The following GNPTAB variants were observed in gnomAD, a reference collection of about 807,000 sequenced individuals.
GNPTAB encodes the protein N-acetylglucosamine-1-phosphate transferase subunits alpha and beta, also known as N-acetylglucosamine-1-phosphotransferase subunits alpha/beta.
GNPTAB carries 92 observed loss-of-function variants against 136.6 expected under a neutral mutation model. The observed-to-expected ratio is 0.67, with a 90% CI of 0.57 to 0.80. The LOEUF (loss-of-function observed/expected upper bound fraction) is 0.80, where lower values mean the gene tolerates loss of function less well. Ranked by LOEUF, GNPTAB falls within the 30% of genes least tolerant of loss-of-function variation. The pLI, the probability that GNPTAB is intolerant of heterozygous loss-of-function variation, is 0.00. For missense variants in GNPTAB, 1,343 were observed against 1,501.8 expected (o/e 0.89, Z 1.75); for synonymous variants, 512 against 535.1 (o/e 0.96, Z 0.60).
rs1463358241 is a variant in GNPTAB, at chr12:101,761,577, C to T, written c.2902G>A (p.Glu968Lys). 1 of 1,614,072 alleles carries T rather than the reference C, an allele frequency of 6.2e-7. No homozygotes were observed. The highest frequency in any genetic ancestry group is 8.5e-7 in the Non-Finnish European group (1 of 1,179,912). ...AGCAAGACTTACATATCTTGCAGTT[C>T]TTGCATAACAATCCGGTCAATCATG... ...PHMIDRIVMQELQDMFPEEFD... is the reference protein window; with the variant it reads ...PHMIDRIVMQKLQDMFPEEFD... Residue 968 changes from glutamate (E) to lysine (K), a missense_variant, in exon 14 of 21, where the codon GAA (glutamate) becomes AAA (lysine). Coordinates refer to ENST00000299314, the MANE Select transcript of GNPTAB (RefSeq NM_024312.5).
intron 1 of GNPTAB, among the ~76,000 whole-genome samples, chr12:101,829,239 C>G (rs1871251113): frequency 6.6e-6 from 1 of 152,206 alleles, no homozygotes; most frequent in Non-Finnish European, 1.5e-5. Flanking sequence ...AATCCCAACA[C>G]TTTGGGAGGC....
Position 101,766,286 on chromosome 12 carries a change from C to T in GNPTAB, c.1417G>A (p.Gly473Arg). The T allele has an allele frequency of 1.2e-6, 2 of 1,613,514 alleles. No homozygotes were observed. The highest frequency in any genetic ancestry group is 1.1e-5 in the South Asian group (1 of 91,056). The change falls in exon 12 of 21, where the codon GGA becomes AGA. Residue 473 changes from glycine to arginine, a missense_variant. By Grantham distance (125) the Gly-to-Arg change is moderately radical. Transcript: ENST00000299314. ...CCTCCTGCAATATAGCGACTCCCTC[C>T]ACTGTTTCCTGTAGATCGGAGGAAG... ...WDGGDCSGNS[G>R]GSRYIAGGGG...
chr12:101,758,756 CTG>C (rs1417655282), intron 16 of GNPTAB, among the ~76,000 whole-genome samples: 1 of 152,228 alleles, frequency 6.6e-6, no homozygotes, highest in Non-Finnish European at 1.5e-5. Flanking sequence ...ACTTGTCACA[CTG>C]TGTCTCCTCA....
In GNPTAB at chr12:101,762,959, G is replaced by A. The variant is rs374148505; in HGVS notation, c.2716-1196C>T. On this transcript the variant is annotated intron_variant, in intron 13 of 20. Coordinates refer to ENST00000299314, the MANE Select transcript of GNPTAB (RefSeq NM_024312.5). ...CCAGAGGCCAGGCACAGTGGCTCAC[G>A]CCTGTAATCCCAGCACTTTGGGAGG... Among the ~76,000 whole-genome samples, 21 of 148,628 alleles carry A rather than the reference G, an allele frequency of 1.4e-4. No homozygotes were observed. The East Asian group carries it at 3.6e-3, about 25-fold the overall frequency.
At chr12:101,782,235 A>G (rs1241072145) in intron 5 of GNPTAB, among the ~76,000 whole-genome samples, 1 of 82,386 alleles carries the variant, frequency 1.2e-5, no homozygotes, top group Non-Finnish European at 2.1e-5. Context: ...TAAAACCTTT[A>G]TATATGGTAC....
intron 1 of GNPTAB, among the ~76,000 whole-genome samples, chr12:101,821,539 C>T (rs1870803554): frequency 6.6e-6 from 1 of 152,164 alleles, no homozygotes. Flanking sequence ...GGCCAAGATG[C>T]AAAGTTTCTT....
At chr12:101,754,856 T>G (rs1202614066) in intron 18 of GNPTAB, among the ~76,000 whole-genome samples, 1 of 152,074 alleles carries the variant, frequency 6.6e-6, no homozygotes. Flanking sequence ...AGGGACAAAG[T>G]GTAAGATAGC....
At chr12:101,826,406 A>G (rs1032116031) in intron 1 of GNPTAB, among the ~76,000 whole-genome samples, 10 of 152,120 alleles carry the variant, frequency 6.6e-5, no homozygotes, top group African/African-American at 2.2e-4. Context: ...ACAACCCTCT[A>G]TTAGTAATCC....
intron 16 of GNPTAB, 29 bp from the exon 17 acceptor site, chr12:101,757,686 T>C (rs1952924490): frequency 3.6e-6 from 4 of 1,100,150 alleles, no homozygotes; most frequent in African/African-American, 1.5e-5. Flanking sequence ...AGATCAGATA[T>C]CACATCAGAG....
chr12:101,791,340 G>A (rs896234510), intron 2 of GNPTAB, among the ~76,000 whole-genome samples: 1 of 152,026 alleles, frequency 6.6e-6, no homozygotes, highest in Non-Finnish European at 1.5e-5. Context: ...TGTACATCTG[G>A]GTACTGATAC....
intron 16 of GNPTAB, among the ~76,000 whole-genome samples, chr12:101,759,240 G>A (rs1952952557): frequency 6.6e-6 from 1 of 151,836 alleles, no homozygotes; most frequent in South Asian, 2.1e-4. Context: ...GCGGGCGCCT[G>A]TAGTCCCAGC....
At chr12:101,749,517 T>A (rs1488921013) in intron 19 of GNPTAB, among the ~76,000 whole-genome samples, 1 of 152,248 alleles carries the variant, frequency 6.6e-6, no homozygotes, top group Non-Finnish European at 1.5e-5. Context: ...AGTTTCTTGA[T>A]AAATACTTCC....
chr12:101,758,197 C>T (rs1465632300), intron 16 of GNPTAB, among the ~76,000 whole-genome samples: 5 of 152,176 alleles, frequency 3.3e-5, no homozygotes, highest in Admixed American at 3.3e-4. Flanking sequence ...CGCCACCACA[C>T]CCAACTCATT....
At chr12:101,816,443 A>G (rs10860791) in intron 1 of GNPTAB, among the ~76,000 whole-genome samples, 1 of 152,206 alleles carries the variant, frequency 6.6e-6, no homozygotes, top group African/African-American at 2.4e-5. Context: ...AGGTATATTT[A>G]AAAATGCTCA....
At chr12:101,765,953 A>G (rs532837082) in intron 12 of GNPTAB, 138 bp downstream of exon 12, 15 of 770,602 alleles carry the variant, frequency 1.9e-5, no homozygotes, top group Admixed American at 1.4e-4. Context: ...TCTTACTTTC[A>G]TAACTAGTTT....
At chr12:101,793,826 T>C (rs1345751349) in intron 2 of GNPTAB, among the ~76,000 whole-genome samples, 1 of 152,138 alleles carries the variant, frequency 6.6e-6, no homozygotes, top group Admixed American at 6.5e-5. Context: ...GTATTTTGTC[T>C]TACTTATTTA....
chr12:101,791,733 T>C (rs1377925343), intron 2 of GNPTAB, among the ~76,000 whole-genome samples: 2 of 152,240 alleles, frequency 1.3e-5, no homozygotes, highest in African/African-American at 4.8e-5. Context: ...TTTCAGTTGC[T>C]ACCATATTAT....
chr12:101,769,933 A>T, intron 10 of GNPTAB, 88 bp downstream of exon 10: 1 of 1,272,862 alleles, frequency 7.9e-7, no homozygotes, highest in Non-Finnish European at 1.1e-6. Flanking sequence ...GTCTGGCCTG[A>T]TATTTGACTA....
chr12:101,797,450 C>T (rs562564259), intron 1 of GNPTAB, among the ~76,000 whole-genome samples: 10 of 152,216 alleles, frequency 6.6e-5, no homozygotes, highest in Admixed American at 3.3e-4. Context: ...CACGGTGAAA[C>T]CCCGTCTCTA....
Sources: gnomAD v4.1 joint callset for allele counts (sites outside exome capture counted in the v4.1 genomes callset) on GRCh38, gnomAD v4.1.1 for gene constraint, MANE v1.5 for transcripts, NCBI Gene and HGNC (gene_info 2026-07-23, HGNC 2026-07-21) for gene names.